Variants in CSRNP3 observed in about 807,000 individuals in gnomAD.
CSRNP3 encodes the protein cysteine and serine rich nuclear protein 3, also known as cysteine/serine-rich nuclear protein 3.
A neutral mutation model predicts 48.0 loss-of-function variants in CSRNP3; 12 were observed. The ratio of observed to expected loss-of-function variants is 0.25; its 90% CI spans 0.16 to 0.41. The LOEUF (loss-of-function observed/expected upper bound fraction) is 0.41, where lower values mean the gene tolerates loss of function less well. Among genes scored for constraint, CSRNP3 ranks in the 10% least tolerant of loss-of-function variants. CSRNP3 has a pLI of 1.00. For missense variants in CSRNP3, 580 were observed against 724.4 expected, an observed-to-expected ratio of 0.80 and a Z score of 2.29; for synonymous variants, 263 against 269.7, an observed-to-expected ratio of 0.98 and a Z score of 0.24.
chr2:165,577,170 A>T (rs1250764636), intron 3 of CSRNP3, among the ~76,000 whole-genome samples: 1 of 151,768 alleles, frequency 6.6e-6, no homozygotes, highest in Non-Finnish European at 1.5e-5. Context: ...AAACTAAATT[A>T]CTGAAACATG....
In CSRNP3 at chr2:165,679,989, T is replaced by G; in HGVS notation, c.*236T>G. 1.9e-6 allele frequency: 1 copy of G among 535,646 alleles called. No individual in the cohort carries two copies. Among genetic ancestry groups the G allele is most frequent in the Non-Finnish European group, 3.2e-6 (1 of 314,354 alleles). 33.2% of individuals were successfully genotyped at this position (535,646 alleles called of 1,614,324 possible). A position where few individuals can be genotyped will look rare whatever the true frequency, so the allele number is the denominator to read the frequency against. ...TGTTTTGATAGAAAAAGCTAAATTT[T>G]AAAATGCATATCTCACAGTTGCCTA... On this transcript the variant is annotated 3_prime_UTR_variant, in exon 7 of 7. Coordinates refer to ENST00000651982, the MANE Select transcript of CSRNP3 (RefSeq NM_001172173.2).
intron 3 of CSRNP3, among the ~76,000 whole-genome samples, chr2:165,559,151 T>C (rs1685198359): frequency 6.6e-6 from 1 of 152,114 alleles, no homozygotes; most frequent in Admixed American, 6.5e-5. Context: ...ATATAGAAAT[T>C]GGAATATAGG....
intron 4 of CSRNP3, among the ~76,000 whole-genome samples, chr2:165,652,074 G>A (rs1384709364): frequency 6.6e-6 from 1 of 152,140 alleles, no homozygotes; most frequent in Non-Finnish European, 1.5e-5. Context: ...ACATTTTACA[G>A]TAACACCAAT....
rs551474096 is a variant in CSRNP3, at chr2:165,594,812, T to C, written c.-23-231T>C. On this transcript the variant is annotated intron_variant, in intron 3 of 6. Transcript: ENST00000651982. ...TGATATTACATTAAAATGAACTATG[T>C]CTCAAAATATAAAAACCTTTTGGTA... 2.6e-4 allele frequency among the ~76,000 whole-genome samples: 39 copies of C among 152,262 alleles called. 2 individuals carry two copies. Among genetic ancestry groups the C allele is most frequent in the African/African-American group, 8.9e-4 (37 of 41,558 alleles).
At chr2:165,571,530 G>A (rs892840242) in intron 3 of CSRNP3, among the ~76,000 whole-genome samples, 10 of 151,944 alleles carry the variant, frequency 6.6e-5, no homozygotes, top group Non-Finnish European at 1.5e-4. Flanking sequence ...TAATATTTGT[G>A]TGGTGGAAAA....
chr2:165,653,279 A>C (rs959110829), intron 4 of CSRNP3, among the ~76,000 whole-genome samples: 1 of 152,180 alleles, frequency 6.6e-6, no homozygotes, highest in African/African-American at 2.4e-5. Flanking sequence ...CTTCCTTTTA[A>C]ATAGATTCCA....
chr2:165,627,314 T>A (rs1686453545), intron 4 of CSRNP3, among the ~76,000 whole-genome samples: 1 of 152,196 alleles, frequency 6.6e-6, no homozygotes, highest in Non-Finnish European at 1.5e-5. Flanking sequence ...TTGTCTCTGC[T>A]GGGTAGCTTG....
intron 3 of CSRNP3, among the ~76,000 whole-genome samples, chr2:165,581,475 G>A (rs1574847346): frequency 1.3e-5 from 2 of 152,114 alleles, no homozygotes; most frequent in East Asian, 3.9e-4. Context: ...TTTATTCTCA[G>A]ATAGTGGGGT....
chr2:165,479,959 G>A (rs1170331477), intron 1 of CSRNP3, among the ~76,000 whole-genome samples: 2 of 151,976 alleles, frequency 1.3e-5, no homozygotes, highest in East Asian at 1.9e-4. Context: ...GAATAAAGGT[G>A]TCACTTGGCT....
chr2:165,520,992 T>G (rs1684653789), intron 3 of CSRNP3, among the ~76,000 whole-genome samples: 1 of 150,090 alleles, frequency 6.7e-6, no homozygotes, highest in Admixed American at 6.6e-5. Context: ...CTTGGGTAAT[T>G]TTTTTAAAAA....
chr2:165,681,750 T>C lies in CSRNP3; in HGVS notation c.*1997T>C, dbSNP rs1218427669. The C allele has an allele frequency of 5.0e-4, 46 of 92,918 alleles. No homozygotes were observed. The highest frequency in any genetic ancestry group is 1.6e-3 in the African/African-American group (46 of 28,288). 5.8% of individuals were successfully genotyped at this position (92,918 alleles called of 1,614,324 possible). A position where few individuals can be genotyped will look rare whatever the true frequency, so the allele number is the denominator to read the frequency against. On this transcript the variant is annotated 3_prime_UTR_variant, in exon 7 of 7. Coordinates refer to ENST00000651982, the MANE Select transcript of CSRNP3 (RefSeq NM_001172173.2). ...ACATATATATATATATATATATATA[T>C]ATATATATATACACACACACACACA...
Position 165,686,928 on chromosome 2 carries a change from A to G in CSRNP3, c.*7175A>G, listed in dbSNP as rs1687639532. On this transcript the variant is annotated 3_prime_UTR_variant, in exon 7 of 7. Coordinates refer to ENST00000651982, the MANE Select transcript of CSRNP3 (RefSeq NM_001172173.2). ...ACTAGGAGGGATCTCCAGAGGTCAT[A>G]TGGCTCATCGATCTACCACCAGGGA... is the stretch of plus-strand genomic sequence containing the variant. 6.6e-6 allele frequency: 1 copy of G among 152,124 alleles called. No homozygotes were observed. 9.4% of individuals were successfully genotyped at this position (152,124 alleles called of 1,614,324 possible). A position where few individuals can be genotyped will look rare whatever the true frequency, so the allele number is the denominator to read the frequency against.
intron 3 of CSRNP3, among the ~76,000 whole-genome samples, chr2:165,579,711 T>C (rs1481843028): frequency 6.6e-6 from 1 of 152,226 alleles, no homozygotes; most frequent in Admixed American, 6.5e-5. Flanking sequence ...TACAAATTAA[T>C]TGCTATTTTA....
At chr2:165,553,907 A>G (rs1460744198) in intron 3 of CSRNP3, among the ~76,000 whole-genome samples, 2 of 152,014 alleles carry the variant, frequency 1.3e-5, no homozygotes, top group African/African-American at 2.4e-5. Flanking sequence ...TCCTTCCCCC[A>G]TGTTACCTTC....
chr2:165,576,171 A>T (rs1685447937), intron 3 of CSRNP3, among the ~76,000 whole-genome samples: 1 of 151,340 alleles, frequency 6.6e-6, no homozygotes, highest in African/African-American at 2.4e-5. Context: ...CAATATATGT[A>T]TGTTATACAT....
Position 165,595,115 on chromosome 2 carries a change from C to G in CSRNP3, c.50C>G (p.Pro17Arg), listed in dbSNP as rs142366433. ...TTTGAAGAAGTTGACGGCTCCTCAC[C>G]CTGCTCCTCTGTGAGGGAATCAGAT... ...RKFEEVDGSS[P>R]CSSVRESDDE... is the part of the protein sequence containing the mutation. Residue 17 changes from proline (P) to arginine (R), a missense_variant, in exon 4 of 7, where the codon CCC becomes CGC. This residue lies in a region of CSRNP3 where 83 missense variants were observed against 139.6 expected (regional missense o/e 0.59). Coordinates refer to ENST00000651982, the MANE Select transcript of CSRNP3 (RefSeq NM_001172173.2). 6.8e-6 allele frequency: 11 copies of G among 1,613,804 alleles called. No homozygotes were observed. The highest frequency in any genetic ancestry group is 6.6e-5 in the South Asian group (6 of 91,082).
chr2:165,483,496 C>T (rs1684075248), intron 1 of CSRNP3, among the ~76,000 whole-genome samples: 1 of 152,154 alleles, frequency 6.6e-6, no homozygotes, highest in African/African-American at 2.4e-5. Flanking sequence ...TAATAATCTC[C>T]TTATATTCTT....
At chr2:165,487,334 G>A (rs1173487964) in intron 1 of CSRNP3, among the ~76,000 whole-genome samples, 4 of 138,778 alleles carry the variant, frequency 2.9e-5, no homozygotes, top group African/African-American at 1.1e-4. Context: ...GTACCTGAAA[G>A]TGATGGGGAG....
At chr2:165,594,895 GA>G (rs925606464) in intron 3 of CSRNP3, 147 bp from the exon 4 acceptor site, 36 of 514,908 alleles carry the variant, frequency 7.0e-5, no homozygotes, top group South Asian at 4.4e-4. Context: ...TTTGAAAATA[GA>G]AAAAAAAATC....
Sources: allele counts gnomAD v4.1 joint callset (sites outside exome capture counted in the v4.1 genomes callset), GRCh38; gene constraint gnomAD v4.1.1; regional missense constraint gnomAD v4.1.1; transcripts MANE v1.5; gene names NCBI Gene and HGNC (gene_info 2026-07-23, HGNC 2026-07-21).